The following PPP6R2 variants were observed in gnomAD, a reference collection of about 807,000 sequenced individuals.
The protein encoded by PPP6R2 is protein phosphatase 6 regulatory subunit 2, also known as serine/threonine-protein phosphatase 6 regulatory subunit 2.
In PPP6R2, 62 loss-of-function variants were observed where a neutral mutation model predicts 100.2. The ratio of observed to expected loss-of-function variants is 0.62; its 90% CI spans 0.50 to 0.76. PPP6R2 has a LOEUF of 0.76. Among genes scored for constraint, PPP6R2 ranks in the 30% least tolerant of loss-of-function variants. The pLI is 0.00. For synonymous variants in PPP6R2, 525 were observed against 514.7 expected (o/e 1.02, Z -0.27); for missense variants, 1,142 against 1,276.3 (o/e 0.89, Z 1.60).
intron 22 of PPP6R2, among the ~76,000 whole-genome samples, chr22:50,442,611 G>A (rs113168252): frequency 2.6e-5 from 4 of 152,072 alleles, no homozygotes; most frequent in South Asian, 4.1e-4. Flanking sequence ...GTGCAGTGGC[G>A]CAATCTTGGC....
At chr22:50,361,286 T>C (rs1205068064) in intron 1 of PPP6R2, among the ~76,000 whole-genome samples, 3 of 152,220 alleles carry the variant, frequency 2.0e-5, no homozygotes, top group Non-Finnish European at 2.9e-5. Flanking sequence ...TGGGCTTTGC[T>C]CTCAGCCAAA....
At chr22:50,414,776 G>A in intron 5 of PPP6R2, 87 bp downstream of exon 5, 2 of 1,455,696 alleles carry the variant, frequency 1.4e-6, no homozygotes, top group Non-Finnish European at 1.8e-6. Context: ...GAGCACCAGG[G>A]CGCCCGGCCC....
At chr22:50,437,197 C>A in intron 15 of PPP6R2, 129 bp downstream of exon 15, 1 of 902,236 alleles carries the variant, frequency 1.1e-6, no homozygotes, top group South Asian at 1.5e-5. Context: ...TCTCCGAGCA[C>A]GTATGGGGCG....
intron 2 of PPP6R2, among the ~76,000 whole-genome samples, chr22:50,390,538 A>G (rs1379602792): frequency 6.6e-6 from 1 of 152,156 alleles, no homozygotes; most frequent in African/African-American, 2.4e-5. Context: ...TCACACCTGT[A>G]TTCCCAGCAT....
intron 8 of PPP6R2, 40 bp from the exon 9 acceptor site, chr22:50,422,214 C>T (rs748242119): frequency 6.2e-7 from 1 of 1,603,012 alleles, no homozygotes; most frequent in South Asian, 1.1e-5. Context: ...TGGACAGGGT[C>T]CTGGTGTCCC....
At chr22:50,436,726 C>T (rs1172353856) in intron 14 of PPP6R2, among the ~76,000 whole-genome samples, 9 of 152,238 alleles carry the variant, frequency 5.9e-5, no homozygotes, top group Non-Finnish European at 1.2e-4. Flanking sequence ...ACTCCAGGAG[C>T]TGTAGCTTGT....
intron 1 of PPP6R2, among the ~76,000 whole-genome samples, chr22:50,350,844 CAAAAA>C (rs532536985): frequency 8.0e-6 from 1 of 125,684 alleles, no homozygotes; most frequent in Non-Finnish European, 1.7e-5. Flanking sequence ...GACTCCGTCT[CAAAAA>C]AAAAAAAAAA....
At position 50,444,104 on chromosome 22, in the gene PPP6R2, G is replaced by A. The variant is rs773136253; in HGVS notation, c.2818G>A (p.Val940Met). 9.7e-5 allele frequency: 156 copies of A among 1,612,438 alleles called. No homozygotes were observed. Among genetic ancestry groups the A allele is most frequent in the Non-Finnish European group, 1.3e-4 (148 of 1,179,072 alleles). The part of the protein sequence containing the change: ...APAMVATLGT[V>M]TKDGKTDAPP... ...AGCCATGGTGGCCACCCTGGGGACAGTGACAAAGGACGGGTGAGCAGGTTG... is the reference window on the plus strand; with the variant it reads ...AGCCATGGTGGCCACCCTGGGGACAATGACAAAGGACGGGTGAGCAGGTTG... Residue 940 changes from valine (V) to methionine (M), a missense_variant, in exon 23 of 24, where the codon GTG becomes ATG. Transcript: ENST00000612753.
At chr22:50,338,937 TG>T (rs1410234042), upstream of PPP6R2, among the ~76,000 whole-genome samples, 2 of 124,324 alleles carry the variant, frequency 1.6e-5, no homozygotes, top group Non-Finnish European at 3.2e-5. Context: ...GTGGTGTGTG[TG>T]GGTGTGTAGG....
intron 13 of PPP6R2, 140 bp downstream of exon 13, chr22:50,435,221 T>C: frequency 1.6e-6 from 1 of 610,100 alleles, no homozygotes; most frequent in Non-Finnish European, 2.7e-6. Flanking sequence ...CTCTGTCCTC[T>C]CACTTCACAC....
chr22:50,419,057 A>AACATAT, intron 7 of PPP6R2, 78 bp downstream of exon 7: 2 of 1,185,190 alleles, frequency 1.7e-6, no homozygotes, highest in Non-Finnish European at 2.5e-6. Flanking sequence ...TGCTCTGAGC[A>AACATAT]CCAGGATATG....
chr22:50,388,655 C>T (rs1846294908), intron 2 of PPP6R2, among the ~76,000 whole-genome samples: 1 of 151,912 alleles, frequency 6.6e-6, no homozygotes, highest in African/African-American at 2.4e-5. Flanking sequence ...GGGCAGATCA[C>T]AAGGTCAGGA....
intron 4 of PPP6R2, among the ~76,000 whole-genome samples, chr22:50,412,068 G>A (rs1182726016): frequency 1.3e-5 from 2 of 152,060 alleles, no homozygotes; most frequent in Non-Finnish European, 2.9e-5. Flanking sequence ...ATCCTTGTAT[G>A]CTTTGACATG....
At chr22:50,354,174 A>G (rs1446397170) in intron 1 of PPP6R2, among the ~76,000 whole-genome samples, 3 of 152,152 alleles carry the variant, frequency 2.0e-5, no homozygotes, top group Non-Finnish European at 2.9e-5. Flanking sequence ...GCATGGTGGC[A>G]CGTGGCTGTA....
chr22:50,340,221 T>C (rs890936884), upstream of PPP6R2, among the ~76,000 whole-genome samples: 7 of 80,874 alleles, frequency 8.7e-5, no homozygotes, highest in Non-Finnish European at 2.0e-4. Context: ...TGGTATGTGG[T>C]GTGTATGGTA....
chr22:50,418,544 G>A (rs1219739173), intron 6 of PPP6R2, among the ~76,000 whole-genome samples: 1 of 151,822 alleles, frequency 6.6e-6, no homozygotes, highest in African/African-American at 2.4e-5. Context: ...CCGCCACCAC[G>A]CCCGGCTAAT....
chr22:50,403,790 C>T (rs1444536197), intron 3 of PPP6R2, among the ~76,000 whole-genome samples: 1 of 152,226 alleles, frequency 6.6e-6, no homozygotes, highest in African/African-American at 2.4e-5. Context: ...AAAAGTGGCA[C>T]TTTCTTGTCT....
intron 3 of PPP6R2, among the ~76,000 whole-genome samples, chr22:50,397,070 C>G (rs944377778): frequency 6.6e-6 from 1 of 152,086 alleles, no homozygotes. Flanking sequence ...CATCAGTGAG[C>G]CGGGAGAGTC....
intron 4 of PPP6R2, among the ~76,000 whole-genome samples, chr22:50,412,138 T>C (rs1285939925): frequency 6.6e-6 from 1 of 152,158 alleles, no homozygotes; most frequent in African/African-American, 2.4e-5. Context: ...AGAATATTGA[T>C]GTGAATGTGT....
Sources: allele counts gnomAD v4.1 joint callset (sites outside exome capture counted in the v4.1 genomes callset), GRCh38; gene constraint gnomAD v4.1.1; transcripts MANE v1.5; gene names NCBI Gene and HGNC (gene_info 2026-07-23, HGNC 2026-07-21).